The following NDST3 variants were observed in gnomAD, a reference collection of about 807,000 sequenced individuals.
The protein encoded by NDST3 is N-deacetylase and N-sulfotransferase 3, also known as bifunctional heparan sulfate N-deacetylase/N-sulfotransferase 3.
In NDST3, 58 loss-of-function variants were observed where a neutral mutation model predicts 96.1. The observed-to-expected ratio is 0.60, with a 90% CI of 0.49 to 0.75. The LOEUF (loss-of-function observed/expected upper bound fraction) is 0.75. Ranked by LOEUF, NDST3 falls within the 30% of genes least tolerant of loss-of-function variation. The probability of loss-of-function intolerance (pLI) is 0.00; values close to 1 mark genes in which losing one functional copy is unlikely to be tolerated. For missense variants in NDST3, 788 were observed against 1,034.2 expected (o/e 0.76, Z 3.27); for synonymous variants, 333 against 359.7 (o/e 0.93, Z 0.84).
intron 1 of NDST3, among the ~76,000 whole-genome samples, chr4:118,053,535 C>CT (rs1327441968): frequency 3.0e-4 from 45 of 151,674 alleles, no homozygotes; most frequent in Non-Finnish European, 4.4e-4. Flanking sequence ...AGCCCAAAGT[C>CT]TTTTTTTTAC....
At chr4:118,175,561 C>T (rs1329965046) in intron 6 of NDST3, among the ~76,000 whole-genome samples, 1 of 151,308 alleles carries the variant, frequency 6.6e-6, no homozygotes, top group Non-Finnish European at 1.5e-5. Flanking sequence ...CCTACCTTAT[C>T]ACAAGAAGAT....
chr4:118,146,047 A>T (rs1175227784), intron 6 of NDST3, among the ~76,000 whole-genome samples: 1 of 152,212 alleles, frequency 6.6e-6, no homozygotes, highest in African/African-American at 2.4e-5. Flanking sequence ...GTTTCCCATG[A>T]ATTCTCCATC....
At chr4:118,157,430 T>G in intron 6 of NDST3, among the ~76,000 whole-genome samples, 1 of 12,484 alleles carries the variant, frequency 8.0e-5, no homozygotes, top group South Asian at 0.015. Context: ...TTGTTTTTGT[T>G]TTTTTTTTTT....
At chr4:118,225,304 G>A (rs1739804574) in intron 7 of NDST3, among the ~76,000 whole-genome samples, 1 of 152,080 alleles carries the variant, frequency 6.6e-6, no homozygotes, top group South Asian at 2.1e-4. Context: ...TAGAATTGCA[G>A]GAACAACTTT....
At chr4:118,133,887 C>A (rs578118794) in intron 4 of NDST3, among the ~76,000 whole-genome samples, 2 of 152,222 alleles carry the variant, frequency 1.3e-5, no homozygotes, top group South Asian at 4.1e-4. Flanking sequence ...CTGAGTATAT[C>A]GCAGTGGATA....
rs1742183896 is a variant in NDST3 at position 118,257,431 on chromosome 4, CCT to C, written c.*1720_*1721del. The C allele has an allele frequency of 6.6e-6, 1 of 152,052 alleles. No homozygotes were observed. Among genetic ancestry groups the C allele is most frequent in the African/African-American group, 2.4e-5 (1 of 41,398 alleles). The allele number at this position is 152,052 out of a possible 1,614,324, so 9.4% of individuals were successfully genotyped here. A position where few individuals can be genotyped will look rare whatever the true frequency, so the allele number is the denominator to read the frequency against. Reference sequence around the variant, plus strand: ...AGATTACAAGCGTGAGCCACCATGCCCTGACTACTTAATTTTTAAATGTACTG... The same window carrying C: ...AGATTACAAGCGTGAGCCACCATGCCGACTACTTAATTTTTAAATGTACTG... On this transcript the variant is annotated 3_prime_UTR_variant, in exon 14 of 14. Transcript: ENST00000296499.
intron 12 of NDST3, among the ~76,000 whole-genome samples, chr4:118,250,146 C>T (rs957957144): frequency 1.3e-5 from 2 of 152,116 alleles, no homozygotes; most frequent in East Asian, 1.9e-4. Context: ...TTGGCTATCA[C>T]GAACAAAGCT....
chr4:118,142,654 C>T (rs994082829), intron 5 of NDST3, among the ~76,000 whole-genome samples: 1 of 152,012 alleles, frequency 6.6e-6, no homozygotes, highest in African/African-American at 2.4e-5. Flanking sequence ...ACATTTGTAG[C>T]TCTCTGAAGT....
At chr4:118,069,316 A>G (rs1168570468) in intron 2 of NDST3, among the ~76,000 whole-genome samples, 7 of 152,072 alleles carry the variant, frequency 4.6e-5, no homozygotes, top group Admixed American at 3.9e-4. Context: ...TAAATTACAA[A>G]AGAGATCTGA....
intron 6 of NDST3, among the ~76,000 whole-genome samples, chr4:118,186,626 C>T (rs1254437513): frequency 6.6e-6 from 1 of 152,200 alleles, no homozygotes; most frequent in African/African-American, 2.4e-5. Flanking sequence ...TAAAGTGGGT[C>T]TGCCTTTCCC....
chr4:118,253,914 G>A (rs1741934666), intron 13 of NDST3, among the ~76,000 whole-genome samples: 1 of 152,154 alleles, frequency 6.6e-6, no homozygotes, highest in Non-Finnish European at 1.5e-5. Flanking sequence ...AAGACAGGAA[G>A]TATATCCATT....
intron 2 of NDST3, among the ~76,000 whole-genome samples, chr4:118,058,233 T>G (rs1725590810): frequency 6.6e-6 from 1 of 151,986 alleles, no homozygotes; most frequent in African/African-American, 2.4e-5. Context: ...AACTAATCAC[T>G]GCATGGATGT....
At chr4:118,185,891 T>C (rs1736921253) in intron 6 of NDST3, among the ~76,000 whole-genome samples, 1 of 152,212 alleles carries the variant, frequency 6.6e-6, no homozygotes, top group African/African-American at 2.4e-5. Flanking sequence ...AGGAGGCATA[T>C]GCTTTATGCT....
chr4:118,034,845 T>C (rs1398566236), intron 1 of NDST3, among the ~76,000 whole-genome samples: 1 of 152,204 alleles, frequency 6.6e-6, no homozygotes, highest in Admixed American at 6.5e-5. Flanking sequence ...CCTCTTGTAA[T>C]TGTTTAAGAT....
chr4:118,182,242 C>T (rs888416101), intron 6 of NDST3, among the ~76,000 whole-genome samples: 48 of 152,056 alleles, frequency 3.2e-4, no homozygotes, highest in African/African-American at 1.2e-3. Context: ...TCTCGGGACA[C>T]GAATTGAAAC....
At chr4:118,131,544 T>C (rs1468972092) in intron 4 of NDST3, among the ~76,000 whole-genome samples, 5 of 152,172 alleles carry the variant, frequency 3.3e-5, no homozygotes, top group Admixed American at 6.5e-5. Context: ...AATGGCCATT[T>C]TGAATTCTCT....
intron 13 of NDST3, 149 bp from the exon 14 acceptor site, chr4:118,255,444 T>C: frequency 1.2e-6 from 1 of 825,126 alleles, no homozygotes; most frequent in Non-Finnish European, 1.8e-6. Flanking sequence ...CAGTAAAATA[T>C]CATAGCATGT....
At chr4:118,231,334 T>TA (rs34644680) in intron 8 of NDST3, among the ~76,000 whole-genome samples, 12 of 90,300 alleles carry the variant, frequency 1.3e-4, no homozygotes, top group Non-Finnish European at 2.5e-4. Flanking sequence ...AGACTCCATC[T>TA]AAAAAAAAAT....
chr4:118,128,326 A>G (rs1732298361), intron 4 of NDST3, among the ~76,000 whole-genome samples: 1 of 152,066 alleles, frequency 6.6e-6, no homozygotes, highest in Non-Finnish European at 1.5e-5. Flanking sequence ...TGGGTCTGTC[A>G]TAGATGGATT....
Sources: gnomAD v4.1 joint callset for allele counts (sites outside exome capture counted in the v4.1 genomes callset) on GRCh38, gnomAD v4.1.1 for gene constraint, MANE v1.5 for transcripts, NCBI Gene and HGNC (gene_info 2026-07-23, HGNC 2026-07-21) for gene names.